Variants in TEX29 observed in about 807,000 individuals in gnomAD.
TEX29 encodes the protein testis-expressed protein 29.
In TEX29, 26 loss-of-function variants were observed where a neutral mutation model predicts 18.2. The observed-to-expected ratio is 1.43, with a 90% CI of 1.04 to 1.98. TEX29 has a LOEUF of 1.98. TEX29 is among the 30% of genes most tolerant of loss of function. TEX29 has a pLI of 0.00. For missense variants in TEX29, 177 were observed against 194.2 expected (o/e 0.91, Z 0.53); for synonymous variants, 83 against 78.5 (o/e 1.06, Z -0.31).
intron 3 of TEX29, among the ~76,000 whole-genome samples, chr13:111,337,153 G>A (rs1272949117): frequency 6.6e-6 from 1 of 152,188 alleles, no homozygotes; most frequent in African/African-American, 2.4e-5. Context: ...CAGCATTTAA[G>A]TGCAGATTCT....
intron 2 of TEX29, among the ~76,000 whole-genome samples, chr13:111,322,197 T>C (rs1000441913): frequency 1.3e-5 from 2 of 152,202 alleles, no homozygotes; most frequent in Non-Finnish European, 2.9e-5. Flanking sequence ...GGGGCAGCTA[T>C]CTCTTTGGAC....
At chr13:111,330,176 C>T (rs1886556) in intron 3 of TEX29, among the ~76,000 whole-genome samples, 2,173 of 152,276 alleles carry the variant, frequency 0.014, 79 homozygotes, top group East Asian at 0.14. Context: ...TGTTTGATTA[C>T]GTGGGGACTG....
chr13:111,339,961 G>T (rs769985559), intron 4 of TEX29, 29 bp downstream of exon 4: 9 of 1,584,372 alleles, frequency 5.7e-6, no homozygotes, highest in Non-Finnish European at 7.8e-6. Context: ...TACTGGGAGG[G>T]TGGGGAGGAG....
At chr13:111,319,366 G>A (rs1342145024), upstream of TEX29, among the ~76,000 whole-genome samples, 1 of 152,184 alleles carries the variant, frequency 6.6e-6, no homozygotes, top group Non-Finnish European at 1.5e-5. Flanking sequence ...GCATGTCCCT[G>A]CAGTGGGATA....
intron 3 of TEX29, among the ~76,000 whole-genome samples, chr13:111,330,523 C>T (rs1402251366): frequency 6.6e-6 from 1 of 152,190 alleles, no homozygotes; most frequent in Non-Finnish European, 1.5e-5. Flanking sequence ...CCCAGGATCT[C>T]ACGCCTTCCT....
At chr13:111,319,777 A>G (rs2093660778), upstream of TEX29, among the ~76,000 whole-genome samples, 1 of 152,044 alleles carries the variant, frequency 6.6e-6, no homozygotes, top group South Asian at 2.1e-4. Context: ...ACAGGTGCGC[A>G]CCATTATGCA....
rs1313925054 is a variant in TEX29, at chr13:111,339,946, T to C, written c.239+14T>C. On this transcript the variant is annotated intron_variant, in intron 4 of 5. Coordinates refer to ENST00000283547, the MANE Select transcript of TEX29 (RefSeq NM_152324.3). The stretch of plus-strand genomic sequence containing the variant: ...CATCATCTACAGGTCGGTCCCTTTG[T>C]TCTTTACTGGGAGGGTGGGGAGGAG... The C allele has an allele frequency of 6.3e-7, 1 of 1,599,734 alleles. No homozygotes were observed. Among genetic ancestry groups the C allele is most frequent in the Non-Finnish European group, 8.6e-7 (1 of 1,167,186 alleles).
intron 3 of TEX29, among the ~76,000 whole-genome samples, chr13:111,333,200 T>G (rs543829381): frequency 6.6e-6 from 1 of 152,334 alleles, no homozygotes; most frequent in South Asian, 2.1e-4. Context: ...TGGGTGTGGA[T>G]CTCTCTGAGT....
intron 2 of TEX29, among the ~76,000 whole-genome samples, chr13:111,325,411 G>C (rs1478755529): frequency 6.6e-6 from 1 of 152,202 alleles, no homozygotes; most frequent in East Asian, 1.9e-4. Flanking sequence ...TCCAGTACCT[G>C]TGCAGTGGGC....
intron 2 of TEX29, among the ~76,000 whole-genome samples, chr13:111,324,988 C>T (rs926839021): frequency 1.8e-4 from 27 of 152,116 alleles, no homozygotes; most frequent in African/African-American, 5.6e-4. Context: ...CCCTGGGGAG[C>T]GGTGGCTTCC....
rs867735832 is a variant in TEX29 at position 111,326,380 on chromosome 13, C to T, written c.59-1803C>T. ...GGGTGTCTGGTGGGGTGGAGGAGAC[C>T]GCGGGCAGCGTGAGGCTGTCTGGTG... is the stretch of plus-strand genomic sequence containing the variant. On this transcript the variant is annotated intron_variant, in intron 2 of 5. Coordinates refer to ENST00000283547, the MANE Select transcript of TEX29 (RefSeq NM_152324.3). Among the ~76,000 whole-genome samples the T allele has an allele frequency of 8.2e-3, 960 of 117,168 alleles. 8 individuals carry two copies. Among genetic ancestry groups the T allele is most frequent in the South Asian group, 0.026 (83 of 3,214 alleles). The allele number at this position is 117,168 out of a possible 152,430, so 76.9% of individuals were successfully genotyped here.
intron 2 of TEX29, among the ~76,000 whole-genome samples, chr13:111,322,157 C>T (rs1313715629): frequency 6.6e-6 from 1 of 152,218 alleles, no homozygotes; most frequent in Non-Finnish European, 1.5e-5. Context: ...CTTCCAAGGC[C>T]ACCAGGCCAC....
intron 3 of TEX29, among the ~76,000 whole-genome samples, chr13:111,337,481 C>A (rs1278913307): frequency 6.6e-6 from 1 of 151,564 alleles, no homozygotes; most frequent in East Asian, 1.9e-4. Flanking sequence ...AGCAACTGGC[C>A]CAAGAGAGAT....
At chr13:111,336,204 C>A (rs1567163298) in intron 3 of TEX29, among the ~76,000 whole-genome samples, 2 of 152,230 alleles carry the variant, frequency 1.3e-5, no homozygotes, top group African/African-American at 4.8e-5. Flanking sequence ...GGTTGTGTGA[C>A]TGTGCTTTTC....
At chr13:111,320,811 C>G (rs568922259) in intron 1 of TEX29, 46 bp from the exon 2 acceptor site, 2 of 1,585,332 alleles carry the variant, frequency 1.3e-6, no homozygotes, top group Admixed American at 3.3e-5. Context: ...GCTCCCCAAA[C>G]GACGTCCCCA....
intron 3 of TEX29, among the ~76,000 whole-genome samples, chr13:111,328,685 C>A (rs1348467902): frequency 6.6e-6 from 1 of 152,158 alleles, no homozygotes; most frequent in Non-Finnish European, 1.5e-5. Flanking sequence ...TGGGGTGAGC[C>A]CATCAGGGTG....
rs556032199 is a variant in TEX29, at chr13:111,326,877, G to A, written c.59-1306G>A. 2.0e-5 allele frequency among the ~76,000 whole-genome samples: 3 copies of A among 152,260 alleles called. No homozygotes were observed. In the South Asian group the frequency reaches 6.2e-4, roughly 32 times the overall value. On this transcript the variant is annotated intron_variant, in intron 2 of 5. Transcript: ENST00000283547. Reference sequence around the variant, plus strand: ...CCTGGAATTGCACTCCAGGAAAAAGGCCGTGGTGCCTGGATGCCCTGGGAG... The same window carrying A: ...CCTGGAATTGCACTCCAGGAAAAAGACCGTGGTGCCTGGATGCCCTGGGAG...
upstream of TEX29, among the ~76,000 whole-genome samples, chr13:111,320,257 C>G (rs1444689160): frequency 6.6e-6 from 1 of 152,246 alleles, no homozygotes; most frequent in African/African-American, 2.4e-5. Context: ...TCACTCTGTC[C>G]TCTCCCCAGG....
chr13:111,325,485 T>C (rs781432321), intron 2 of TEX29, among the ~76,000 whole-genome samples: 17 of 152,226 alleles, frequency 1.1e-4, no homozygotes, highest in Non-Finnish European at 2.1e-4. Context: ...TCCCCCACCA[T>C]GTGGGAAGCC....
Sources: allele counts gnomAD v4.1 joint callset (sites outside exome capture counted in the v4.1 genomes callset), GRCh38; gene constraint gnomAD v4.1.1; transcripts MANE v1.5; gene names NCBI Gene and HGNC (gene_info 2026-07-23, HGNC 2026-07-21).